The following PCDH9 variants were observed in gnomAD, a reference collection of about 807,000 sequenced individuals.
PCDH9 encodes protocadherin 9.
Under a neutral mutation model 70.6 loss-of-function variants are expected in PCDH9, and 24 were observed. The ratio of observed to expected loss-of-function variants is 0.34; its 90% CI spans 0.25 to 0.48. The LOEUF (loss-of-function observed/expected upper bound fraction) is 0.48, where lower values mean the gene tolerates loss of function less well. PCDH9 is among the 20% of genes least tolerant of loss of function. The probability of loss-of-function intolerance (pLI) is 0.99; values close to 1 mark genes in which losing one functional copy is unlikely to be tolerated. For missense variants in PCDH9, 1,281 were observed against 1,503.6 expected, an observed-to-expected ratio of 0.85 and a Z score of 2.45; for synonymous variants, 562 against 558.5, an observed-to-expected ratio of 1.01 and a Z score of -0.09.
At position 67,056,300 on chromosome 13, in the gene PCDH9, C is replaced by T. The variant is rs78768213; in HGVS notation, c.3037-152695G>A. Among the ~76,000 whole-genome samples, 4 of 152,246 alleles carry T rather than the reference C, an allele frequency of 2.6e-5. No homozygotes were observed. The East Asian group carries it at 7.7e-4, about 29-fold the overall frequency. ...TGATTATTTCTGGATCTGATCACTC[C>T]ATCTATTCTATTTAGCTAGCTGACC... On this transcript the variant is annotated intron_variant, in intron 2 of 4. Coordinates refer to ENST00000377865, the MANE Select transcript of PCDH9 (RefSeq NM_203487.3).
chr13:66,761,862 T>C (rs533125137), intron 3 of PCDH9, among the ~76,000 whole-genome samples: 2 of 152,300 alleles, frequency 1.3e-5, no homozygotes, highest in South Asian at 2.1e-4. Flanking sequence ...AGGCAGTATA[T>C]ACATCTTCAT....
intron 4 of PCDH9, among the ~76,000 whole-genome samples, chr13:66,342,806 A>G (rs904832622): frequency 6.7e-6 from 1 of 150,020 alleles, no homozygotes; most frequent in Admixed American, 6.7e-5. Context: ...GTATTTATTT[A>G]TTTATTTATT....
intron 2 of PCDH9, among the ~76,000 whole-genome samples, chr13:67,052,281 A>C (rs1433824371): frequency 6.6e-6 from 1 of 152,086 alleles, no homozygotes; most frequent in East Asian, 1.9e-4. Context: ...CTAAGGTGAG[A>C]GTATAAGTTA....
At chr13:67,219,971 T>C (rs80043454) in intron 2 of PCDH9, 1 of 152,098 alleles carries the variant, frequency 6.6e-6, no homozygotes, top group East Asian at 1.9e-4. Context: ...TTTTTAACTA[T>C]ATACAAGCTA....
intron 2 of PCDH9, among the ~76,000 whole-genome samples, chr13:66,921,717 C>T (rs554547087): frequency 2.6e-4 from 40 of 151,386 alleles, no homozygotes; most frequent in South Asian, 1.9e-3. Context: ...GGGAGGACCA[C>T]GTATACAAAA....
intron 4 of PCDH9, among the ~76,000 whole-genome samples, chr13:66,448,337 G>A (rs1260389290): frequency 1.3e-5 from 2 of 152,210 alleles, no homozygotes; most frequent in Non-Finnish European, 2.9e-5. Flanking sequence ...TGAAGTGCAC[G>A]TGGATGTGTG....
chr13:66,566,408 A>G (rs1395156927), intron 4 of PCDH9, among the ~76,000 whole-genome samples: 1 of 152,168 alleles, frequency 6.6e-6, no homozygotes, highest in Admixed American at 6.5e-5. Context: ...TTTTACCTCC[A>G]TAGAAGAAGC....
chr13:66,754,965 T>A (rs533375296), intron 3 of PCDH9, among the ~76,000 whole-genome samples: 1 of 152,314 alleles, frequency 6.6e-6, no homozygotes, highest in Admixed American at 6.5e-5. Context: ...AAAAATTATA[T>A]GAATTATATC....
intron 2 of PCDH9, chr13:67,224,787 T>C: frequency 1.1e-6 from 1 of 891,400 alleles, no homozygotes; most frequent in Non-Finnish European, 1.3e-6. Flanking sequence ...AAAATCTTTC[T>C]ATTAAGTACC....
At chr13:66,752,039 T>C (rs1404218401) in intron 3 of PCDH9, among the ~76,000 whole-genome samples, 1 of 152,058 alleles carries the variant, frequency 6.6e-6, no homozygotes, top group Non-Finnish European at 1.5e-5. Flanking sequence ...ACACAGAGGG[T>C]ATGAGCTAAC....
chr13:67,063,636 G>A (rs866216820), intron 2 of PCDH9, among the ~76,000 whole-genome samples: 1 of 151,572 alleles, frequency 6.6e-6, no homozygotes, highest in Admixed American at 6.6e-5. Context: ...TTTTTAATTC[G>A]TTGCTTTAAA....
rs182411272 is a variant in PCDH9 at position 66,591,018 on chromosome 13, T to C, written c.3340+40192A>G. ...TTACAACAAGACTCTAGACAATCTT[T>C]ACTTGATGTTTAAAAATATGTACTT... is the stretch of plus-strand genomic sequence containing the variant. On this transcript the variant is annotated intron_variant, in intron 4 of 4. Transcript: ENST00000377865. Among the ~76,000 whole-genome samples the C allele has an allele frequency of 5.0e-4, 76 of 151,942 alleles. 1 individual carries two copies. Among genetic ancestry groups the C allele is most frequent in the African/African-American group, 1.8e-3 (74 of 41,548 alleles).
chr13:66,633,316 A>G (rs1000499964), intron 3 of PCDH9, among the ~76,000 whole-genome samples: 2 of 152,206 alleles, frequency 1.3e-5, no homozygotes, highest in African/African-American at 4.8e-5. Flanking sequence ...TGCCTAGGTG[A>G]GTGCTATAGA....
At chr13:66,958,521 T>C (rs1382595239) in intron 2 of PCDH9, among the ~76,000 whole-genome samples, 1 of 152,162 alleles carries the variant, frequency 6.6e-6, no homozygotes, top group African/African-American at 2.4e-5. Flanking sequence ...TTTAATTTTA[T>C]AAACACATAC....
chr13:66,393,969 G>T (rs1957062333), intron 4 of PCDH9, among the ~76,000 whole-genome samples: 2 of 152,190 alleles, frequency 1.3e-5, no homozygotes, highest in South Asian at 4.1e-4. Context: ...ACAATGCTAA[G>T]GCATTTGAGA....
intron 2 of PCDH9, among the ~76,000 whole-genome samples, chr13:66,931,996 AAC>A (rs2082819186): frequency 6.6e-6 from 1 of 152,108 alleles, no homozygotes; most frequent in Admixed American, 6.6e-5. Context: ...GTTTGAATAA[AAC>A]AGTTATATTA....
chr13:66,606,069 T>A (rs2077219184), intron 4 of PCDH9, among the ~76,000 whole-genome samples: 1 of 152,092 alleles, frequency 6.6e-6, no homozygotes, highest in Non-Finnish European at 1.5e-5. Context: ...CTCTTTTAGC[T>A]ATTAGTGGTC....
intron 3 of PCDH9, among the ~76,000 whole-genome samples, chr13:66,819,380 TGAATAACCTTG>T (rs922290516): frequency 1.1e-4 from 16 of 151,818 alleles, no homozygotes; most frequent in African/African-American, 3.1e-4. Context: ...TTTACTAAAA[TGAATAACCTTG>T]GAAGGACCTT....
chr13:66,740,226 G>C (rs1436196735), intron 3 of PCDH9, among the ~76,000 whole-genome samples: 1 of 139,324 alleles, frequency 7.2e-6, no homozygotes, highest in Admixed American at 7.5e-5. Flanking sequence ...TGAACAACCT[G>C]CTCCTGAATG....
Sources: gnomAD v4.1 joint callset for allele counts (sites outside exome capture counted in the v4.1 genomes callset) on GRCh38, gnomAD v4.1.1 for gene constraint, MANE v1.5 for transcripts, NCBI Gene and HGNC (gene_info 2026-07-23, HGNC 2026-07-21) for gene names.